SUGCT: variants seen among roughly 807,000 people sequenced by gnomAD.
SUGCT encodes succinyl-CoA:glutarate-CoA transferase, also known as succinyl-CoA:glutarate CoA-transferase.
SUGCT carries 41 observed loss-of-function variants against 55.0 expected under a neutral mutation model. That is an observed-to-expected ratio of 0.74 (90% CI 0.58 to 0.97). SUGCT has a LOEUF of 0.97. Among genes scored for constraint, SUGCT ranks in the 50% least tolerant of loss-of-function variants. SUGCT has a pLI of 0.00. For synonymous variants in SUGCT, 187 were observed against 200.4 expected (o/e 0.93, Z 0.56); for missense variants, 568 against 547.8 (o/e 1.04, Z -0.37).
chr7:40,366,694 G>T (rs1783993244), intron 9 of SUGCT, among the ~76,000 whole-genome samples: 2 of 152,132 alleles, frequency 1.3e-5, no homozygotes. Flanking sequence ...TCAGAGAAAT[G>T]CAAATCAAAA....
At chr7:40,826,087 T>C (rs1792298661) in intron 13 of SUGCT, among the ~76,000 whole-genome samples, 1 of 152,228 alleles carries the variant, frequency 6.6e-6, no homozygotes. Context: ...TTTTAAATCC[T>C]CATATTGCAC....
At chr7:40,393,052 T>C (rs190290382) in intron 9 of SUGCT, among the ~76,000 whole-genome samples, 1 of 152,156 alleles carries the variant, frequency 6.6e-6, no homozygotes, top group Non-Finnish European at 1.5e-5. Flanking sequence ...AAATTGACCA[T>C]ATGAGTCTGA....
chr7:40,532,292 G>T (rs934244790), intron 12 of SUGCT, among the ~76,000 whole-genome samples: 8 of 152,164 alleles, frequency 5.3e-5, no homozygotes, highest in African/African-American at 1.9e-4. Context: ...ATTTAGCCAT[G>T]CCTTATACTC....
chr7:40,568,203 G>T (rs1277969674), intron 12 of SUGCT, among the ~76,000 whole-genome samples: 1 of 152,146 alleles, frequency 6.6e-6, no homozygotes, highest in Non-Finnish European at 1.5e-5. Flanking sequence ...TCAGTGGAAA[G>T]TTAGTCAAAC....
the SUGCT span, among the ~76,000 whole-genome samples, chr7:40,957,329 A>T: frequency 6.6e-6 from 1 of 151,708 alleles, no homozygotes; most frequent in Non-Finnish European, 1.5e-5. Flanking sequence ...TATATTTAGG[A>T]TAGTTAGCTC....
chr7:40,573,021 C>T (rs1447202377), intron 12 of SUGCT, among the ~76,000 whole-genome samples: 2 of 152,192 alleles, frequency 1.3e-5, no homozygotes, highest in Non-Finnish European at 2.9e-5. Context: ...GCACCCCCCA[C>T]AATGTCTAAA....
At chr7:40,663,567 G>T (rs1801447838) in intron 12 of SUGCT, among the ~76,000 whole-genome samples, 1 of 151,354 alleles carries the variant, frequency 6.6e-6, no homozygotes, top group African/African-American at 2.4e-5. Context: ...GTCTCTCTTG[G>T]AGATCCTCTG....
intron 8 of SUGCT, among the ~76,000 whole-genome samples, chr7:40,298,010 C>T (rs1262325695): frequency 6.6e-6 from 1 of 151,100 alleles, no homozygotes; most frequent in African/African-American, 2.4e-5. Flanking sequence ...ATGTTCATGT[C>T]CTTCCTTTCC....
chr7:40,579,352 T>C (rs1470077084), intron 12 of SUGCT, among the ~76,000 whole-genome samples: 4 of 152,154 alleles, frequency 2.6e-5, no homozygotes, highest in African/African-American at 9.7e-5. Context: ...CCATGGTTTC[T>C]GGGCTTTGTG....
intron 3 of SUGCT, among the ~76,000 whole-genome samples, chr7:40,184,863 C>A (rs533897518): frequency 3.3e-5 from 5 of 151,862 alleles, no homozygotes; most frequent in African/African-American, 1.2e-4. Flanking sequence ...TGTTTGTTTC[C>A]TTCTTTTTTA....
At chr7:40,295,945 C>T (rs1255583589) in intron 8 of SUGCT, among the ~76,000 whole-genome samples, 1 of 152,134 alleles carries the variant, frequency 6.6e-6, no homozygotes, top group African/African-American at 2.4e-5. Context: ...ATTTACTTTG[C>T]CATGTGTAGG....
Position 40,323,233 on chromosome 7 carries a change from T to C in SUGCT, c.816+6378T>C, listed in dbSNP as rs116362348. Reference sequence around the variant, plus strand: ...TTCTTTAACCTCTCCTCTCTTGCAGTGATCCTTTTCTGTTCTCACTTGGCT... The same window carrying C: ...TTCTTTAACCTCTCCTCTCTTGCAGCGATCCTTTTCTGTTCTCACTTGGCT... On this transcript the variant is annotated intron_variant, in intron 9 of 13. Coordinates refer to ENST00000335693, the MANE Select transcript of SUGCT (RefSeq NM_001193313.2). Among the ~76,000 whole-genome samples the C allele has an allele frequency of 9.9e-3, 1,511 of 152,270 alleles. 19 individuals are homozygous for C. The highest frequency in any genetic ancestry group is 0.035 in the African/African-American group (1,441 of 41,564).
At chr7:40,440,150 T>G (rs1417243553) in intron 9 of SUGCT, among the ~76,000 whole-genome samples, 84 of 39,360 alleles carry the variant, frequency 2.1e-3, no homozygotes, top group African/African-American at 3.8e-3. Flanking sequence ...TGTGTGTTTT[T>G]TTTTTTTTTT....
At chr7:40,856,565 C>T (rs1422132878) in intron 13 of SUGCT, among the ~76,000 whole-genome samples, 3 of 151,070 alleles carry the variant, frequency 2.0e-5, no homozygotes, top group African/African-American at 7.4e-5. Flanking sequence ...AATGAGCAGA[C>T]AGAAAATTTA....
At chr7:40,717,097 C>T (rs1400611131) in intron 12 of SUGCT, among the ~76,000 whole-genome samples, 2 of 152,084 alleles carry the variant, frequency 1.3e-5, no homozygotes, top group Admixed American at 6.5e-5. Context: ...AAAATATGCA[C>T]CCTTTTGACA....
intron 9 of SUGCT, among the ~76,000 whole-genome samples, chr7:40,341,197 AATTGTAGGATC>A (rs2151176986): frequency 6.6e-6 from 1 of 152,188 alleles, no homozygotes; most frequent in East Asian, 1.9e-4. Context: ...AAACTCCAGA[AATTGTAGGATC>A]ATTGACCATT....
chr7:40,888,893 G>T, the SUGCT span, among the ~76,000 whole-genome samples: 47 of 152,314 alleles, frequency 3.1e-4, no homozygotes, highest in Middle Eastern at 6.8e-3. Flanking sequence ...TCTGTTTCTG[G>T]AACCAGAGCC....
intron 12 of SUGCT, among the ~76,000 whole-genome samples, chr7:40,747,409 C>G (rs894834669): frequency 1.3e-5 from 2 of 152,206 alleles, no homozygotes; most frequent in Non-Finnish European, 1.5e-5. Context: ...AATTTGAGCT[C>G]TCTCTCCGAG....
At chr7:40,452,645 C>T (rs1483609397) in intron 10 of SUGCT, among the ~76,000 whole-genome samples, 1 of 152,090 alleles carries the variant, frequency 6.6e-6, no homozygotes, top group African/African-American at 2.4e-5. Flanking sequence ...ATCTGTTTTC[C>T]TATGTATAAA....
Sources: gnomAD v4.1 joint callset for allele counts (sites outside exome capture counted in the v4.1 genomes callset) on GRCh38, gnomAD v4.1.1 for gene constraint, MANE v1.5 for transcripts, NCBI Gene and HGNC (gene_info 2026-07-23, HGNC 2026-07-21) for gene names.